ELMO1: variants seen among roughly 807,000 people sequenced by gnomAD.
The protein encoded by ELMO1 is engulfment and cell motility protein 1.
ELMO1 carries 26 observed loss-of-function variants against 98.9 expected under a neutral mutation model. That is an observed-to-expected ratio of 0.26 (90% CI 0.19 to 0.36). The LOEUF is 0.36. Among genes scored for constraint, ELMO1 ranks in the 10% least tolerant of loss-of-function variants. The pLI is 1.00. For missense variants in ELMO1, 627 were observed against 935.2 expected (o/e 0.67, Z 4.30); for synonymous variants, 346 against 346.0 (o/e 1.00, Z 0.00).
chr7:37,076,678 A>G (rs1416714219), intron 15 of ELMO1, among the ~76,000 whole-genome samples: 1 of 152,240 alleles, frequency 6.6e-6, no homozygotes, highest in Non-Finnish European at 1.5e-5. Flanking sequence ...CATAAAGAGA[A>G]CAAAGATCTT....
chr7:37,054,220 C>T (rs1340964931), intron 15 of ELMO1, among the ~76,000 whole-genome samples: 1 of 152,152 alleles, frequency 6.6e-6, no homozygotes, highest in Non-Finnish European at 1.5e-5. Context: ...AAATGGCTCC[C>T]AGTATTTGTT....
At chr7:37,236,703 T>C (rs1794485858) in intron 7 of ELMO1, among the ~76,000 whole-genome samples, 1 of 152,188 alleles carries the variant, frequency 6.6e-6, no homozygotes, top group South Asian at 2.1e-4. Context: ...TTTTCCAAAT[T>C]CAACTTCAAA....
intron 16 of ELMO1, among the ~76,000 whole-genome samples, chr7:36,943,597 C>T (rs938291334): frequency 1.2e-4 from 19 of 152,164 alleles, no homozygotes; most frequent in African/African-American, 3.6e-4. Context: ...ACAACTGCTA[C>T]GTAAGAAAGT....
chr7:37,176,098 T>C (rs1467441893), intron 13 of ELMO1, among the ~76,000 whole-genome samples: 1 of 152,232 alleles, frequency 6.6e-6, no homozygotes, highest in African/African-American at 2.4e-5. Context: ...GCTGAGAATA[T>C]GCTGTCATTT....
At chr7:37,343,487 C>CTTTTTT (rs10571805) in intron 1 of ELMO1, among the ~76,000 whole-genome samples, 27 of 92,798 alleles carry the variant, frequency 2.9e-4, no homozygotes, top group Admixed American at 5.0e-4. Context: ...TAGCCCATTT[C>CTTTTTT]TTTTTTTTTT....
intron 14 of ELMO1, among the ~76,000 whole-genome samples, chr7:37,097,734 G>GA (rs1784436851): frequency 6.6e-6 from 1 of 152,088 alleles, no homozygotes; most frequent in Admixed American, 6.5e-5. Flanking sequence ...TTGGCCCTCA[G>GA]AAAAAAGAAA....
intron 8 of ELMO1, among the ~76,000 whole-genome samples, chr7:37,231,554 C>G (rs1300079254): frequency 6.6e-6 from 1 of 152,102 alleles, no homozygotes; most frequent in Non-Finnish European, 1.5e-5. Context: ...AATTGAGGAA[C>G]ATTATACAAA....
At chr7:37,184,307 G>C (rs1422170274) in intron 13 of ELMO1, among the ~76,000 whole-genome samples, 1 of 152,182 alleles carries the variant, frequency 6.6e-6, no homozygotes, top group South Asian at 2.1e-4. Flanking sequence ...TGGTCTTAGT[G>C]AGATCTTCTG....
intron 1 of ELMO1, among the ~76,000 whole-genome samples, chr7:37,401,082 C>T (rs891184573): frequency 6.6e-6 from 1 of 152,130 alleles, no homozygotes; most frequent in Non-Finnish European, 1.5e-5. Context: ...GAACCCTACA[C>T]TGGGAGGAAG....
At chr7:37,448,295 C>A (rs1416277476) in intron 1 of ELMO1, among the ~76,000 whole-genome samples, 1 of 151,750 alleles carries the variant, frequency 6.6e-6, no homozygotes, top group Non-Finnish European at 1.5e-5. Context: ...GCGTCGCAAC[C>A]CTCCCGCGCC....
At chr7:37,425,097 AG>A (rs1356000361) in intron 1 of ELMO1, among the ~76,000 whole-genome samples, 1 of 152,200 alleles carries the variant, frequency 6.6e-6, no homozygotes, top group Non-Finnish European at 1.5e-5. Context: ...TAGTCAATTC[AG>A]GATGCTCTAA....
chr7:37,272,192 C>T (rs1796598227), intron 4 of ELMO1, among the ~76,000 whole-genome samples: 1 of 152,332 alleles, frequency 6.6e-6, no homozygotes, highest in South Asian at 2.1e-4. Context: ...TACGATTGCA[C>T]TCCTACATAT....
Position 37,153,221 on chromosome 7 carries a change from C to T in ELMO1, c.1087-19987G>A, listed in dbSNP as rs919056520. 6.6e-4 allele frequency among the ~76,000 whole-genome samples: 100 copies of T among 152,162 alleles called. 1 individual carries two copies. The highest frequency in any genetic ancestry group is 2.2e-3 in the African/African-American group (93 of 41,416). On this transcript the variant is annotated intron_variant, in intron 13 of 21. Coordinates refer to ENST00000310758, the MANE Select transcript of ELMO1 (RefSeq NM_014800.11). ...GGTCTACAGCTCCCAGTGATATTGA[C>T]GCAGCAGACGGGTGATTTCTACATT...
At chr7:37,433,984 G>C (rs1741761711) in intron 1 of ELMO1, among the ~76,000 whole-genome samples, 1 of 152,080 alleles carries the variant, frequency 6.6e-6, no homozygotes, top group Admixed American at 6.5e-5. Context: ...CGGTGACAAA[G>C]ATGAAAAGTA....
intron 16 of ELMO1, among the ~76,000 whole-genome samples, chr7:36,912,200 C>A (rs1784388953): frequency 6.6e-6 from 1 of 152,090 alleles, no homozygotes; most frequent in African/African-American, 2.4e-5. Context: ...GTGAGTACAT[C>A]CAGCAACTTC....
chr7:37,332,488 C>G (rs1426620856), intron 2 of ELMO1, among the ~76,000 whole-genome samples: 1 of 152,172 alleles, frequency 6.6e-6, no homozygotes, highest in African/African-American at 2.4e-5. Flanking sequence ...CAGCAAGCAC[C>G]CTCATCCGGT....
At chr7:37,053,906 G>A (rs1369966130) in intron 15 of ELMO1, among the ~76,000 whole-genome samples, 3 of 152,044 alleles carry the variant, frequency 2.0e-5, no homozygotes, top group Admixed American at 1.3e-4. Flanking sequence ...TTTGTCCCAT[G>A]GTTTCAGTCT....
intron 1 of ELMO1, among the ~76,000 whole-genome samples, chr7:37,373,171 G>A (rs1046982129): frequency 2.0e-5 from 3 of 152,224 alleles, no homozygotes; most frequent in African/African-American, 7.2e-5. Flanking sequence ...GCAGAGGTCG[G>A]TTCTGGGAAA....
At chr7:36,871,548 T>C (rs1033536588) in intron 19 of ELMO1, among the ~76,000 whole-genome samples, 2 of 152,226 alleles carry the variant, frequency 1.3e-5, no homozygotes, top group African/African-American at 4.8e-5. Context: ...CTGGCTAGTG[T>C]GGCTTTACCA....
Sources: allele counts gnomAD v4.1 joint callset (sites outside exome capture counted in the v4.1 genomes callset), GRCh38; gene constraint gnomAD v4.1.1; transcripts MANE v1.5; gene names NCBI Gene and HGNC (gene_info 2026-07-23, HGNC 2026-07-21).